NRP1: variants seen among roughly 807,000 people sequenced by gnomAD.
NRP1 encodes neuropilin 1.
A neutral mutation model predicts 106.7 loss-of-function variants in NRP1; 35 were observed. That is an observed-to-expected ratio of 0.33 (90% CI 0.25 to 0.43). The LOEUF is 0.43. Ranked by LOEUF, NRP1 falls within the 20% of genes least tolerant of loss-of-function variation. NRP1 has a pLI of 1.00. For missense variants in NRP1, 1,024 were observed against 1,170.4 expected, an observed-to-expected ratio of 0.87 and a Z score of 1.83; for synonymous variants, 437 against 417.9, an observed-to-expected ratio of 1.05 and a Z score of -0.56.
At chr10:33,219,310 T>C (rs1329015725) in intron 8 of NRP1, among the ~76,000 whole-genome samples, 2 of 152,220 alleles carry the variant, frequency 1.3e-5, no homozygotes, top group African/African-American at 4.8e-5. Flanking sequence ...TGGTCCGTCA[T>C]GCATACACTA....
At chr10:33,329,347 A>T (rs1321344694) in intron 2 of NRP1, among the ~76,000 whole-genome samples, 1 of 152,214 alleles carries the variant, frequency 6.6e-6, no homozygotes, top group Non-Finnish European at 1.5e-5. Context: ...CTGTGGATTT[A>T]TGCTAATTCT....
At chr10:33,225,794 G>A (rs964481056) in intron 7 of NRP1, among the ~76,000 whole-genome samples, 1 of 152,166 alleles carries the variant, frequency 6.6e-6, no homozygotes, top group African/African-American at 2.4e-5. Flanking sequence ...AAATCGAGGG[G>A]GGAAAAACAA....
intron 6 of NRP1, chr10:33,249,573 AG>A (rs759133377): frequency 5.0e-5 from 25 of 499,248 alleles, no homozygotes; most frequent in Non-Finnish European, 9.3e-5. Flanking sequence ...CCAGAAACAA[AG>A]AAAGGAAAAA....
At chr10:33,210,664 G>C (rs1387707958) in intron 9 of NRP1, among the ~76,000 whole-genome samples, 1 of 152,208 alleles carries the variant, frequency 6.6e-6, no homozygotes, top group Non-Finnish European at 1.5e-5. Context: ...TTAATTCAAA[G>C]ATTCTGATAT....
At chr10:33,326,497 G>C (rs1847898194) in intron 2 of NRP1, among the ~76,000 whole-genome samples, 1 of 152,078 alleles carries the variant, frequency 6.6e-6, no homozygotes. Context: ...TTCGGTCAGA[G>C]CATTCTCTAG....
chr10:33,202,363 T>G, intron 11 of NRP1: 1 of 300,160 alleles, frequency 3.3e-6, no homozygotes. Flanking sequence ...TCGGTGGTGA[T>G]GTGAAATAGC....
At chr10:33,245,473 A>G (rs1204095304) in intron 6 of NRP1, among the ~76,000 whole-genome samples, 2 of 152,238 alleles carry the variant, frequency 1.3e-5, no homozygotes, top group East Asian at 3.9e-4. Context: ...ATGTAGTCCA[A>G]CCATGTAAGT....
chr10:33,237,124 C>A (rs1840621071), intron 6 of NRP1, among the ~76,000 whole-genome samples: 1 of 152,072 alleles, frequency 6.6e-6, no homozygotes, highest in East Asian at 1.9e-4. Context: ...CGTAGCCACT[C>A]AAACTAAAAG....
intron 2 of NRP1, among the ~76,000 whole-genome samples, chr10:33,306,534 ATATCT>A (rs1374906149): frequency 6.6e-6 from 1 of 152,218 alleles, no homozygotes; most frequent in African/African-American, 2.4e-5. Flanking sequence ...ATGGTAAAAC[ATATCT>A]TATCCCTGTG....
At chr10:33,207,946 G>A (rs1450912618) in intron 9 of NRP1, among the ~76,000 whole-genome samples, 1 of 152,046 alleles carries the variant, frequency 6.6e-6, no homozygotes, top group Non-Finnish European at 1.5e-5. Context: ...TATTTTTTGA[G>A]ATGGGGTCTC....
intron 2 of NRP1, among the ~76,000 whole-genome samples, chr10:33,294,903 G>T (rs12780696): frequency 0.048 from 7,322 of 152,196 alleles, 236 homozygotes; most frequent in Middle Eastern, 0.085. Flanking sequence ...CTGTGTTTGG[G>T]TTTCATCATA....
intron 6 of NRP1, among the ~76,000 whole-genome samples, chr10:33,237,610 G>T (rs1217332957): frequency 4.7e-5 from 6 of 128,238 alleles, no homozygotes; most frequent in African/African-American, 1.1e-4. Flanking sequence ...GATGGAGTCT[G>T]GCTCTGTTGC....
intron 2 of NRP1, among the ~76,000 whole-genome samples, chr10:33,285,155 G>A (rs1234529870): frequency 6.6e-6 from 1 of 152,176 alleles, no homozygotes; most frequent in Non-Finnish European, 1.5e-5. Context: ...TTAGTAAAAA[G>A]AGCTCAACCA....
At chr10:33,247,075 G>T (rs1841483128) in intron 6 of NRP1, among the ~76,000 whole-genome samples, 1 of 152,210 alleles carries the variant, frequency 6.6e-6, no homozygotes, top group South Asian at 2.1e-4. Context: ...TATGAAACTT[G>T]TTAAAACAAA....
intron 2 of NRP1, among the ~76,000 whole-genome samples, chr10:33,312,350 A>G (rs1247899836): frequency 1.3e-5 from 2 of 152,192 alleles, no homozygotes; most frequent in African/African-American, 4.8e-5. Flanking sequence ...TTGAAAAGCT[A>G]CTTTATCATT....
Position 33,226,998 on chromosome 10 carries a change from A to G in NRP1, c.982-709T>C, listed in dbSNP as rs1482660965. On this transcript the variant is annotated intron_variant, in intron 6 of 16. Coordinates refer to ENST00000374867, the MANE Select transcript of NRP1 (RefSeq NM_003873.7). ...CTGTGTCACAAGCCACTGCTCACTC[A>G]TATTTGTCTCAGAATAAATCTCTTC... is the stretch of plus-strand genomic sequence containing the variant. 2.0e-5 allele frequency among the ~76,000 whole-genome samples: 3 copies of G among 152,208 alleles called. No homozygotes were observed. In the East Asian group the frequency reaches 5.8e-4, roughly 29 times the overall value.
At chr10:33,265,375 C>A (rs2133256992) in intron 3 of NRP1, among the ~76,000 whole-genome samples, 1 of 152,298 alleles carries the variant, frequency 6.6e-6, no homozygotes, top group South Asian at 2.1e-4. Context: ...GGGGCCCCGG[C>A]AATGACATGC....
chr10:33,312,596 C>T (rs779051174), intron 2 of NRP1, among the ~76,000 whole-genome samples: 5 of 152,226 alleles, frequency 3.3e-5, no homozygotes, highest in Non-Finnish European at 5.9e-5. Flanking sequence ...TGGGCCTCTG[C>T]AGGCAACAAC....
chr10:33,209,698 A>G (rs939893562), intron 9 of NRP1, among the ~76,000 whole-genome samples: 1 of 152,098 alleles, frequency 6.6e-6, no homozygotes, highest in Non-Finnish European at 1.5e-5. Context: ...GCTGGTCTCA[A>G]ACTCCTGACC....
Sources: gnomAD v4.1 joint callset for allele counts (sites outside exome capture counted in the v4.1 genomes callset) on GRCh38, gnomAD v4.1.1 for gene constraint, MANE v1.5 for transcripts, NCBI Gene and HGNC (gene_info 2026-07-23, HGNC 2026-07-21) for gene names.